The following NUBPL variants were observed in gnomAD, a reference collection of about 807,000 sequenced individuals.
The protein encoded by NUBPL is iron-sulfur cluster transfer protein NUBPL.
In NUBPL, 31 loss-of-function variants were observed where a neutral mutation model predicts 45.7. The ratio of observed to expected loss-of-function variants is 0.68; its 90% confidence interval spans 0.51 to 0.92. The LOEUF is 0.92. Ranked by LOEUF, NUBPL falls within the 40% of genes least tolerant of loss-of-function variation. NUBPL has a pLI of 0.00. For synonymous variants in NUBPL, 144 were observed against 140.9 expected (o/e 1.02, Z -0.15); for missense variants, 401 against 398.7 (o/e 1.01, Z -0.05).
chr14:31,640,359 G>T (rs1021323770), intron 4 of NUBPL, among the ~76,000 whole-genome samples: 16 of 152,138 alleles, frequency 1.1e-4, no homozygotes, highest in African/African-American at 3.1e-4. Flanking sequence ...CAGCACTTCG[G>T]GAGGCCAAGG....
At chr14:31,598,121 TATTA>T (rs1467910186) in intron 3 of NUBPL, among the ~76,000 whole-genome samples, 1 of 152,162 alleles carries the variant, frequency 6.6e-6, no homozygotes, top group East Asian at 1.9e-4. Context: ...TAGAGGCAGA[TATTA>T]ATCCCGTTTT....
chr14:31,618,744 A>G (rs549247173), intron 4 of NUBPL, among the ~76,000 whole-genome samples: 39 of 152,262 alleles, frequency 2.6e-4, no homozygotes, highest in African/African-American at 8.7e-4. Context: ...AGAAGAATGT[A>G]TATTCTGTTG....
At chr14:31,811,660 G>A (rs148189501) in intron 7 of NUBPL, among the ~76,000 whole-genome samples, 1 of 152,304 alleles carries the variant, frequency 6.6e-6, no homozygotes, top group East Asian at 1.9e-4. Flanking sequence ...TTGTTCCGTT[G>A]CTGGTGAGGA....
Position 31,592,613 on chromosome 14 carries a change from T to A in NUBPL, c.292-6676T>A, listed in dbSNP as rs188664820. Among the ~76,000 whole-genome samples, 400 of 151,828 alleles carry A rather than the reference T, an allele frequency of 2.6e-3. 2 individuals are homozygous for A. The highest frequency in any genetic ancestry group is 8.8e-3 in the African/African-American group (364 of 41,398). ...AGGCAGAATGTTTACTATGTTTTTTTAAAAAAAAATCATTTAAAAAAGGAC... is the reference window on the plus strand; with the variant it reads ...AGGCAGAATGTTTACTATGTTTTTTAAAAAAAAAATCATTTAAAAAAGGAC... On this transcript the variant is annotated intron_variant, in intron 3 of 10. Transcript: ENST00000281081.
At chr14:31,745,468 A>AT (rs945291715) in intron 6 of NUBPL, among the ~76,000 whole-genome samples, 13 of 151,730 alleles carry the variant, frequency 8.6e-5, no homozygotes, top group Non-Finnish European at 1.8e-4. Context: ...ACATTTTTGT[A>AT]TTTTTTTAGT....
intron 3 of NUBPL, among the ~76,000 whole-genome samples, chr14:31,588,057 G>C (rs142846237): frequency 1.3e-5 from 2 of 152,152 alleles, no homozygotes; most frequent in African/African-American, 4.8e-5. Flanking sequence ...TTTCTGCTAG[G>C]AAATTAACTT....
intron 6 of NUBPL, among the ~76,000 whole-genome samples, chr14:31,711,140 G>A (rs545299300): frequency 2.0e-5 from 3 of 152,288 alleles, no homozygotes; most frequent in East Asian, 3.9e-4. Flanking sequence ...TGAGGGTTCC[G>A]CTCATGGCCA....
intron 6 of NUBPL, among the ~76,000 whole-genome samples, chr14:31,784,330 A>G (rs547112014): frequency 1.3e-5 from 2 of 152,270 alleles, no homozygotes; most frequent in African/African-American, 4.8e-5. Flanking sequence ...TTAATATTCT[A>G]TCTTAAGACA....
intron 4 of NUBPL, among the ~76,000 whole-genome samples, chr14:31,632,217 A>C (rs1480751563): frequency 6.6e-6 from 1 of 151,894 alleles, no homozygotes; most frequent in African/African-American, 2.4e-5. Context: ...CTGATGAGCA[A>C]TACTGGAGCA....
At chr14:31,798,991 C>G (rs1258320812) in intron 7 of NUBPL, among the ~76,000 whole-genome samples, 1 of 151,764 alleles carries the variant, frequency 6.6e-6, no homozygotes, top group Non-Finnish European at 1.5e-5. Context: ...ACTACAGGAA[C>G]ACTATCAAAA....
intron 7 of NUBPL, among the ~76,000 whole-genome samples, chr14:31,793,711 A>G (rs1168083687): frequency 6.6e-6 from 1 of 151,944 alleles, no homozygotes; most frequent in Non-Finnish European, 1.5e-5. Context: ...TTATCATAGT[A>G]TCTTTTAAAG....
chr14:31,802,143 T>C (rs2039602769), intron 7 of NUBPL, among the ~76,000 whole-genome samples: 1 of 152,222 alleles, frequency 6.6e-6, no homozygotes, highest in Non-Finnish European at 1.5e-5. Flanking sequence ...AGGAATGAGT[T>C]AATTCTCAAG....
intron 6 of NUBPL, among the ~76,000 whole-genome samples, chr14:31,685,491 G>C (rs1417200613): frequency 6.6e-6 from 1 of 151,950 alleles, no homozygotes; most frequent in Non-Finnish European, 1.5e-5. Flanking sequence ...AGGAGGAGTG[G>C]TATATTAAAT....
At chr14:31,826,819 T>C (rs1252999045) in intron 8 of NUBPL, 105 bp downstream of exon 8, 77 of 1,012,328 alleles carry the variant, frequency 7.6e-5, no homozygotes, top group Non-Finnish European at 8.8e-5. Context: ...TGTACAGAAG[T>C]CTTTATGAAA....
At chr14:31,666,236 TA>T (rs2036410339) in intron 4 of NUBPL, among the ~76,000 whole-genome samples, 1 of 17,084 alleles carries the variant, frequency 5.9e-5, no homozygotes, top group African/African-American at 2.2e-4. Context: ...AAGATATATA[TA>T]TATATATATA....
intron 7 of NUBPL, among the ~76,000 whole-genome samples, chr14:31,795,131 G>A (rs1360543227): frequency 6.7e-6 from 1 of 148,770 alleles, no homozygotes; most frequent in Non-Finnish European, 1.5e-5. Context: ...TTTGGTTACT[G>A]TAGCCTTGTA....
intron 4 of NUBPL, among the ~76,000 whole-genome samples, chr14:31,653,437 A>G (rs909835757): frequency 2.6e-5 from 4 of 152,118 alleles, no homozygotes; most frequent in African/African-American, 7.2e-5. Flanking sequence ...GGGTCTTAAT[A>G]TTATATTCCT....
intron 6 of NUBPL, among the ~76,000 whole-genome samples, chr14:31,744,587 G>A (rs1220742554): frequency 7.0e-6 from 1 of 143,462 alleles, no homozygotes; most frequent in Non-Finnish European, 1.5e-5. Context: ...GTATTTTAAT[G>A]TATACATTAT....
At chr14:31,634,232 T>TC (rs1221201777) in intron 4 of NUBPL, among the ~76,000 whole-genome samples, 1 of 79,720 alleles carries the variant, frequency 1.3e-5, no homozygotes, top group African/African-American at 5.0e-5. Flanking sequence ...ATGCTATCCC[T>TC]CCCCCCACCC....
Sources: allele counts gnomAD v4.1 joint callset (sites outside exome capture counted in the v4.1 genomes callset), GRCh38; gene constraint gnomAD v4.1.1; transcripts MANE v1.5; gene names NCBI Gene and HGNC (gene_info 2026-07-23, HGNC 2026-07-21).